The following MCPH1 variants were observed in gnomAD, a reference collection of about 807,000 sequenced individuals.
MCPH1 encodes microcephalin 1.
A neutral mutation model predicts 84.5 loss-of-function variants in MCPH1; 104 were observed. That is an observed-to-expected ratio of 1.23 (90% CI 1.05 to 1.45). The LOEUF (loss-of-function observed/expected upper bound fraction) is 1.45, where lower values mean the gene tolerates loss of function less well. Ranked by LOEUF, MCPH1 falls within the 40% of genes most tolerant of loss-of-function variation. The probability of loss-of-function intolerance (pLI) is 0.00; values close to 1 mark genes in which losing one functional copy is unlikely to be tolerated. For missense variants in MCPH1, 1,498 were observed against 1,005.7 expected (o/e 1.49, Z -6.62); for synonymous variants, 514 against 366.8 (o/e 1.40, Z -4.58).
At chr8:6,537,735 G>C (rs1820767555) in intron 12 of MCPH1, among the ~76,000 whole-genome samples, 1 of 152,022 alleles carries the variant, frequency 6.6e-6, no homozygotes, top group South Asian at 2.1e-4. Context: ...TTCTCACCAA[G>C]ATTGTCATCA....
chr8:6,422,389 G>C (rs909692540), intron 3 of MCPH1, among the ~76,000 whole-genome samples: 3 of 152,190 alleles, frequency 2.0e-5, no homozygotes, highest in African/African-American at 7.2e-5. Context: ...AGGGGAGAGT[G>C]CAGAAACAGA....
At chr8:6,417,773 C>G (rs375461652) in intron 3 of MCPH1, among the ~76,000 whole-genome samples, 12 of 152,220 alleles carry the variant, frequency 7.9e-5, no homozygotes, top group African/African-American at 2.9e-4. Context: ...ATGACCTTGT[C>G]TGATAATTTT....
chr8:6,437,241 TA>T (rs1445539513), intron 5 of MCPH1, among the ~76,000 whole-genome samples: 10 of 152,130 alleles, frequency 6.6e-5, no homozygotes, highest in African/African-American at 9.7e-5. Flanking sequence ...TTATTTTATT[TA>T]TTTTTTTGAG....
intron 12 of MCPH1, among the ~76,000 whole-genome samples, chr8:6,599,456 T>C (rs1374535848): frequency 6.6e-6 from 1 of 152,238 alleles, no homozygotes; most frequent in Non-Finnish European, 1.5e-5. Flanking sequence ...TGAATGATGC[T>C]TGTTTTCCTC....
chr8:6,566,147 T>G (rs935676641), intron 12 of MCPH1, among the ~76,000 whole-genome samples: 1 of 152,218 alleles, frequency 6.6e-6, no homozygotes, highest in Non-Finnish European at 1.5e-5. Flanking sequence ...GAAATTTGAA[T>G]TTCTTGTAAT....
intron 2 of MCPH1, among the ~76,000 whole-genome samples, chr8:6,410,612 C>G (rs1049761578): frequency 1.3e-5 from 2 of 152,144 alleles, no homozygotes; most frequent in African/African-American, 4.8e-5. Flanking sequence ...TTTGCCCACG[C>G]ACACTAAACC....
chr8:6,602,993 G>GT (rs1829489968), intron 12 of MCPH1, among the ~76,000 whole-genome samples: 1 of 152,076 alleles, frequency 6.6e-6, no homozygotes, highest in Non-Finnish European at 1.5e-5. Context: ...CCGTGTGTGT[G>GT]TGTGTGGCCG....
At chr8:6,521,155 G>T in intron 12 of MCPH1, 1 of 1,595,536 alleles carries the variant, frequency 6.3e-7, no homozygotes, top group South Asian at 1.1e-5. Flanking sequence ...TAACGCTGAA[G>T]AAAGCATGAT....
At chr8:6,596,962 A>G (rs58506250) in intron 12 of MCPH1, among the ~76,000 whole-genome samples, 27,290 of 152,124 alleles carry the variant, frequency 0.18, 2,594 homozygotes, top group South Asian at 0.24. Context: ...TTGCTTCTTC[A>G]TGTAAATTAA....
chr8:6,607,312 G>C (rs907128411), intron 12 of MCPH1, among the ~76,000 whole-genome samples: 1 of 152,154 alleles, frequency 6.6e-6, no homozygotes, highest in Non-Finnish European at 1.5e-5. Flanking sequence ...CTCACTCCCA[G>C]TTTGTCTAAT....
intron 9 of MCPH1, among the ~76,000 whole-genome samples, chr8:6,459,991 G>A (rs991681193): frequency 2.0e-5 from 3 of 152,190 alleles, no homozygotes; most frequent in Admixed American, 6.5e-5. Flanking sequence ...GGGCTCTGGG[G>A]TTAGACTGCT....
At chr8:6,617,933 A>T (rs1004982869) in intron 12 of MCPH1, among the ~76,000 whole-genome samples, 1 of 151,478 alleles carries the variant, frequency 6.6e-6, no homozygotes, top group Non-Finnish European at 1.5e-5. Flanking sequence ...CTATCTATCT[A>T]TCTATCTATC....
At chr8:6,426,069 T>TA (rs1450751758) in intron 3 of MCPH1, among the ~76,000 whole-genome samples, 1 of 152,160 alleles carries the variant, frequency 6.6e-6, no homozygotes, top group Non-Finnish European at 1.5e-5. Flanking sequence ...GAAGCACAGT[T>TA]AAAAAACATT....
intron 4 of MCPH1, among the ~76,000 whole-genome samples, chr8:6,431,917 T>C (rs565090347): frequency 6.6e-6 from 1 of 152,372 alleles, no homozygotes; most frequent in Admixed American, 6.5e-5. Context: ...ACCTGCATTC[T>C]GTTTAGCCAG....
intron 13 of MCPH1, among the ~76,000 whole-genome samples, chr8:6,642,055 T>G (rs552279349): frequency 1.3e-5 from 2 of 152,310 alleles, no homozygotes; most frequent in East Asian, 1.9e-4. Context: ...CTAAAAATAT[T>G]TGTAGATTAA....
At chr8:6,423,951 G>A (rs75297888) in intron 3 of MCPH1, among the ~76,000 whole-genome samples, 1 of 152,084 alleles carries the variant, frequency 6.6e-6, no homozygotes, top group African/African-American at 2.4e-5. Context: ...CTTCAGCAGA[G>A]CATAGAGATA....
At chr8:6,543,869 T>C (rs1822058796) in intron 12 of MCPH1, among the ~76,000 whole-genome samples, 1 of 152,222 alleles carries the variant, frequency 6.6e-6, no homozygotes. Context: ...TACATCTGCC[T>C]GGGCTTTGCA....
At chr8:6,428,975 T>A (rs1440928763) in intron 3 of MCPH1, among the ~76,000 whole-genome samples, 1 of 152,248 alleles carries the variant, frequency 6.6e-6, no homozygotes, top group Non-Finnish European at 1.5e-5. Flanking sequence ...ATCTAGTGAC[T>A]TTCTGATAGG....
chr8:6,520,319 T>A (rs1817068568), intron 12 of MCPH1, among the ~76,000 whole-genome samples: 1 of 152,220 alleles, frequency 6.6e-6, no homozygotes, highest in Admixed American at 6.5e-5. Flanking sequence ...TGAAGATCTT[T>A]CATCTTGAGC....
Sources: allele counts gnomAD v4.1 joint callset (sites outside exome capture counted in the v4.1 genomes callset), GRCh38; gene constraint gnomAD v4.1.1; transcripts MANE v1.5; gene names NCBI Gene and HGNC (gene_info 2026-07-23, HGNC 2026-07-21).